The following FOCAD variants were observed in gnomAD, a reference collection of about 807,000 sequenced individuals.
FOCAD encodes focadhesin, also known as KIAA1797.
Under a neutral mutation model 225.6 loss-of-function variants are expected in FOCAD, and 198 were observed. The ratio of observed to expected loss-of-function variants is 0.88; its 90% CI spans 0.78 to 0.99. The LOEUF is 0.99. Ranked by LOEUF, FOCAD falls within the 50% of genes least tolerant of loss-of-function variation. The pLI is 0.00. For synonymous variants in FOCAD, 897 were observed against 755.0 expected, an observed-to-expected ratio of 1.19 and a Z score of -3.08; for missense variants, 2,713 against 2,123.6, an observed-to-expected ratio of 1.28 and a Z score of -5.46.
intron 8 of FOCAD, among the ~76,000 whole-genome samples, chr9:20,778,089 CAAAAA>C (rs1184354592): frequency 0.036 from 3,016 of 84,126 alleles, 81 homozygotes; most frequent in Admixed American, 0.11. Flanking sequence ...GACTCCGTCT[CAAAAA>C]AAAAAAAAAA....
At chr9:20,828,936 C>T (rs1015816008) in intron 15 of FOCAD, among the ~76,000 whole-genome samples, 5 of 152,106 alleles carry the variant, frequency 3.3e-5, no homozygotes, top group African/African-American at 9.7e-5. Flanking sequence ...TGACTTCCAG[C>T]TCCATCCATG....
chr9:20,662,017 CTA>C (rs1221542360), intron 2 of FOCAD, among the ~76,000 whole-genome samples: 1 of 152,094 alleles, frequency 6.6e-6, no homozygotes, highest in African/African-American at 2.4e-5. Flanking sequence ...CACCTTTTGT[CTA>C]TGAAAAATGG....
At chr9:20,829,082 A>G (rs2131481288) in intron 15 of FOCAD, among the ~76,000 whole-genome samples, 2 of 152,272 alleles carry the variant, frequency 1.3e-5, no homozygotes, top group South Asian at 2.1e-4. Context: ...TATTGTGAAT[A>G]GTGCTGCCAT....
At chr9:20,867,445 G>C (rs934215380) in intron 18 of FOCAD, among the ~76,000 whole-genome samples, 2 of 151,948 alleles carry the variant, frequency 1.3e-5, no homozygotes, top group Non-Finnish European at 2.9e-5. Flanking sequence ...ATGGTATATA[G>C]GTAGCTCCAG....
chr9:20,813,315 A>G (rs1046048827), intron 11 of FOCAD, among the ~76,000 whole-genome samples: 1 of 152,182 alleles, frequency 6.6e-6, no homozygotes, highest in Non-Finnish European at 1.5e-5. Flanking sequence ...TAAAGCAGAA[A>G]TGAATGTGGG....
chr9:20,754,635 T>C (rs1225885224), intron 5 of FOCAD, among the ~76,000 whole-genome samples: 1 of 151,888 alleles, frequency 6.6e-6, no homozygotes, highest in African/African-American at 2.4e-5. Flanking sequence ...CTCAATGGAG[T>C]GATTCTTGAC....
chr9:20,907,108 A>T (rs1283475754), intron 21 of FOCAD, 42 bp from the exon 22 acceptor site: 13 of 1,430,316 alleles, frequency 9.1e-6, no homozygotes, highest in Non-Finnish European at 1.2e-5. Context: ...TTCTTTTTTA[A>T]TACTGTGTAG....
At chr9:20,801,799 T>A (rs1361814520) in intron 11 of FOCAD, among the ~76,000 whole-genome samples, 1 of 152,154 alleles carries the variant, frequency 6.6e-6, no homozygotes, top group African/African-American at 2.4e-5. Context: ...ACAATTATGC[T>A]GCTACGTGAT....
chr9:20,665,391 C>G (rs1249960286), intron 2 of FOCAD, among the ~76,000 whole-genome samples: 1 of 152,136 alleles, frequency 6.6e-6, no homozygotes, highest in Non-Finnish European at 1.5e-5. Context: ...AACTCTTTAT[C>G]TTTTGTAACT....
At chr9:20,976,238 A>C in intron 35 of FOCAD, 182 bp from the exon 36 acceptor site, 1 of 441,058 alleles carries the variant, frequency 2.3e-6, no homozygotes, top group Non-Finnish European at 4.0e-6. Context: ...AGAAGAACAG[A>C]GGGAGCAAGC....
At chr9:20,718,520 C>T (rs1261093008) in intron 3 of FOCAD, among the ~76,000 whole-genome samples, 1 of 152,058 alleles carries the variant, frequency 6.6e-6, no homozygotes, top group East Asian at 1.9e-4. Context: ...TTTTTCACAG[C>T]AGAAATAAAT....
At chr9:20,813,740 C>T (rs1823339183) in intron 11 of FOCAD, among the ~76,000 whole-genome samples, 1 of 152,068 alleles carries the variant, frequency 6.6e-6, no homozygotes, top group African/African-American at 2.4e-5. Context: ...TTTGTTAGGA[C>T]CATTTGGTCT....
chr9:20,816,360 CCTT>C (rs978269429), intron 11 of FOCAD, among the ~76,000 whole-genome samples: 1 of 152,056 alleles, frequency 6.6e-6, no homozygotes, highest in Non-Finnish European at 1.5e-5. Flanking sequence ...TTTAAGATAA[CCTT>C]CTGTTTTTAA....
chr9:20,923,988 G>A (rs760499007), intron 25 of FOCAD, among the ~76,000 whole-genome samples: 1 of 152,064 alleles, frequency 6.6e-6, no homozygotes, highest in Non-Finnish European at 1.5e-5. Flanking sequence ...CTATTTGAAG[G>A]TGCCAATTTT....
intron 15 of FOCAD, among the ~76,000 whole-genome samples, chr9:20,847,054 G>C (rs1827185080): frequency 6.6e-6 from 1 of 152,032 alleles, no homozygotes; most frequent in Non-Finnish European, 1.5e-5. Flanking sequence ...AGCACTTTTG[G>C]TAAATAGCTT....
chr9:20,727,919 TG>T (rs1826343413), intron 4 of FOCAD, among the ~76,000 whole-genome samples: 1 of 152,198 alleles, frequency 6.6e-6, no homozygotes, highest in African/African-American at 2.4e-5. Flanking sequence ...ACCTCATGTT[TG>T]GTATATTTTG....
chr9:20,748,530 G>A (rs543183669), intron 5 of FOCAD, among the ~76,000 whole-genome samples: 1 of 152,184 alleles, frequency 6.6e-6, no homozygotes, highest in East Asian at 1.9e-4. Flanking sequence ...CAGAGGGCTT[G>A]TAGAAATCAT....
At chr9:20,967,068 TG>T (rs1406460791) in intron 35 of FOCAD, among the ~76,000 whole-genome samples, 1 of 152,096 alleles carries the variant, frequency 6.6e-6, no homozygotes, top group East Asian at 1.9e-4. Flanking sequence ...AGAGGACTCT[TG>T]GAATTTTGAT....
At chr9:20,797,136 GC>G (rs1178110583) in intron 11 of FOCAD, among the ~76,000 whole-genome samples, 1 of 152,084 alleles carries the variant, frequency 6.6e-6, no homozygotes, top group African/African-American at 2.4e-5. Flanking sequence ...TAGATGTGTG[GC>G]ATTATTTCTG....
Sources: allele counts gnomAD v4.1 joint callset (sites outside exome capture counted in the v4.1 genomes callset), GRCh38; gene constraint gnomAD v4.1.1; transcripts MANE v1.5; gene names NCBI Gene and HGNC (gene_info 2026-07-23, HGNC 2026-07-21).